NDUFS4: variants seen among roughly 807,000 people sequenced by gnomAD.
NDUFS4 encodes NADH dehydrogenase [ubiquinone] iron-sulfur protein 4, mitochondrial.
NDUFS4 carries 28 observed loss-of-function variants against 24.3 expected under a neutral mutation model. The observed-to-expected ratio is 1.15, with a 90% CI of 0.85 to 1.58. The LOEUF is 1.58. Ranked by LOEUF, NDUFS4 falls within the 40% of genes most tolerant of loss-of-function variation. The pLI is 0.00. For synonymous variants in NDUFS4, 93 were observed against 69.7 expected (o/e 1.34, Z -1.67); for missense variants, 223 against 207.9 (o/e 1.07, Z -0.45).
intron 4 of NDUFS4, among the ~76,000 whole-genome samples, chr5:53,663,023 C>G (rs1752393718): frequency 6.6e-6 from 1 of 151,868 alleles, no homozygotes; most frequent in African/African-American, 2.4e-5. Context: ...TATGTTGTGT[C>G]TTTGTTCTCG....
intron 1 of NDUFS4, among the ~76,000 whole-genome samples, chr5:53,590,946 T>C (rs1256514096): frequency 6.6e-6 from 1 of 152,206 alleles, no homozygotes; most frequent in Non-Finnish European, 1.5e-5. Flanking sequence ...TTCTTCTCTC[T>C]CATAAGCCCC....
chr5:53,678,053 CTT>C (rs1258719837), intron 4 of NDUFS4, among the ~76,000 whole-genome samples: 2 of 151,988 alleles, frequency 1.3e-5, no homozygotes, highest in African/African-American at 4.8e-5. Flanking sequence ...ATTTTTCTGT[CTT>C]ATATATGGAA....
At chr5:53,646,491 A>T in intron 3 of NDUFS4, 86 bp downstream of exon 3, 1 of 1,364,686 alleles carries the variant, frequency 7.3e-7, no homozygotes, top group Non-Finnish European at 1.0e-6. Flanking sequence ...AAACTCTTTT[A>T]TGTACAATAT....
Position 53,643,407 on chromosome 5 carries a change from C to T in NDUFS4, c.178-2826C>T, listed in dbSNP as rs531674887. Among the ~76,000 whole-genome samples, 38 of 152,076 alleles carry T rather than the reference C, an allele frequency of 2.5e-4. No homozygotes were observed. In the East Asian group the frequency reaches 5.8e-3, roughly 23 times the overall value. On this transcript the variant is annotated intron_variant, in intron 2 of 4. Transcript: ENST00000296684. ...AGTTCAATATAATTTAAATAGTTTG[C>T]GGATTTTAAATTTTTTTGTGAAAGT...
intron 4 of NDUFS4, among the ~76,000 whole-genome samples, chr5:53,668,420 G>T (rs1173085179): frequency 6.6e-6 from 1 of 152,004 alleles, no homozygotes; most frequent in Admixed American, 6.6e-5. Context: ...AGGGGAGTAA[G>T]ATTTTCAGAT....
chr5:53,669,278 A>C (rs1009136560), intron 4 of NDUFS4, among the ~76,000 whole-genome samples: 1 of 152,174 alleles, frequency 6.6e-6, no homozygotes, highest in South Asian at 2.1e-4. Context: ...TGATAATTCA[A>C]AGTTCTTCAC....
intron 1 of NDUFS4, among the ~76,000 whole-genome samples, chr5:53,602,140 A>C (rs1750342332): frequency 6.6e-6 from 1 of 152,210 alleles, no homozygotes; most frequent in South Asian, 2.1e-4. Context: ...ACTTATCATT[A>C]CCCAATGTTT....
intron 1 of NDUFS4, among the ~76,000 whole-genome samples, chr5:53,563,255 G>C (rs1040750924): frequency 3.2e-5 from 4 of 125,660 alleles, no homozygotes; most frequent in Non-Finnish European, 1.8e-5. Flanking sequence ...AAAAAAAAAA[G>C]AAAAGGAAGG....
chr5:53,631,737 C>T (rs1192352964), intron 2 of NDUFS4, among the ~76,000 whole-genome samples: 2 of 152,206 alleles, frequency 1.3e-5, no homozygotes, highest in African/African-American at 4.8e-5. Flanking sequence ...CACCAAGCTC[C>T]AGCATCCCAG....
chr5:53,624,336 A>T (rs1308911486), intron 2 of NDUFS4, among the ~76,000 whole-genome samples: 2 of 152,182 alleles, frequency 1.3e-5, no homozygotes, highest in Non-Finnish European at 2.9e-5. Flanking sequence ...CAAAGATTTC[A>T]CGTGAATTTT....
At chr5:53,662,727 G>A (rs189848) in intron 4 of NDUFS4, among the ~76,000 whole-genome samples, 30,811 of 151,794 alleles carry the variant, frequency 0.2, 3,638 homozygotes, top group East Asian at 0.46. Flanking sequence ...GCCTTGGGAG[G>A]GTGTATATGT....
intron 2 of NDUFS4, among the ~76,000 whole-genome samples, chr5:53,625,312 T>C (rs1561370634): frequency 6.6e-6 from 1 of 152,322 alleles, no homozygotes; most frequent in East Asian, 1.9e-4. Context: ...ATCTTTAAAC[T>C]TCAGAAATTT....
intron 3 of NDUFS4, among the ~76,000 whole-genome samples, chr5:53,657,125 G>A (rs1311800911): frequency 3.9e-5 from 6 of 152,080 alleles, no homozygotes; most frequent in Non-Finnish European, 5.9e-5. Context: ...CTTCTGTCTT[G>A]TTTCTTATTC....
chr5:53,633,304 GC>G (rs1318679102), intron 2 of NDUFS4, among the ~76,000 whole-genome samples: 1 of 152,158 alleles, frequency 6.6e-6, no homozygotes, highest in African/African-American at 2.4e-5. Flanking sequence ...GAAGGCAGAA[GC>G]AAAAAGGTCA....
At chr5:53,586,240 A>G (rs923933287) in intron 1 of NDUFS4, among the ~76,000 whole-genome samples, 3 of 150,990 alleles carry the variant, frequency 2.0e-5, no homozygotes, top group Admixed American at 1.3e-4. Context: ...GAGGCAGGAG[A>G]ATCGTATGAA....
intron 3 of NDUFS4, among the ~76,000 whole-genome samples, chr5:53,653,188 G>A (rs1752067497): frequency 6.6e-6 from 1 of 151,988 alleles, no homozygotes; most frequent in African/African-American, 2.4e-5. Context: ...TTATGAATCT[G>A]TCATTCAGCT....
chr5:53,616,015 G>T (rs996679973), intron 2 of NDUFS4, among the ~76,000 whole-genome samples: 1 of 152,056 alleles, frequency 6.6e-6, no homozygotes, highest in Non-Finnish European at 1.5e-5. Context: ...CAAGATTTCT[G>T]ATTTAGTATG....
intron 4 of NDUFS4, among the ~76,000 whole-genome samples, chr5:53,665,944 G>C (rs1405800315): frequency 1.3e-5 from 2 of 152,210 alleles, no homozygotes; most frequent in Non-Finnish European, 2.9e-5. Flanking sequence ...GACTGGAGCT[G>C]TTCCTATTCC....
At chr5:53,654,034 T>C (rs1752094255) in intron 3 of NDUFS4, among the ~76,000 whole-genome samples, 1 of 152,180 alleles carries the variant, frequency 6.6e-6, no homozygotes, top group South Asian at 2.1e-4. Flanking sequence ...CAATTTCTCT[T>C]TCTTGCCTTG....
Sources: gnomAD v4.1 joint callset for allele counts (sites outside exome capture counted in the v4.1 genomes callset) on GRCh38, gnomAD v4.1.1 for gene constraint, MANE v1.5 for transcripts, NCBI Gene and HGNC (gene_info 2026-07-23, HGNC 2026-07-21) for gene names.